FANCD2: variants seen among roughly 807,000 people sequenced by gnomAD.
The protein encoded by FANCD2 is Fanconi anemia group D2 protein.
Under a neutral mutation model 192.3 loss-of-function variants are expected in FANCD2, and 131 were observed. That is an observed-to-expected ratio of 0.68 (90% CI 0.59 to 0.79). The LOEUF (loss-of-function observed/expected upper bound fraction) is 0.79. FANCD2 is among the 30% of genes least tolerant of loss of function. FANCD2 has a pLI of 0.00. For synonymous variants in FANCD2, 524 were observed against 612.5 expected (o/e 0.86, Z 2.13); for missense variants, 1,508 against 1,701.6 (o/e 0.89, Z 2.00).
At chr3:10,068,819 G>A (rs775016476) in intron 26 of FANCD2, among the ~76,000 whole-genome samples, 1 of 152,082 alleles carries the variant, frequency 6.6e-6, no homozygotes, top group Non-Finnish European at 1.5e-5. Context: ...TGGAACAGAA[G>A]AGAGCCCAGA....
At chr3:10,045,329 C>T (rs760840306) in intron 14 of FANCD2, among the ~76,000 whole-genome samples, 5 of 151,814 alleles carry the variant, frequency 3.3e-5, no homozygotes, top group East Asian at 1.9e-4. Context: ...CCACCACGCC[C>T]GGCTAATTTT....
intron 39 of FANCD2, 81 bp downstream of exon 39, chr3:10,093,404 C>A: frequency 1.6e-6 from 2 of 1,229,602 alleles, no homozygotes; most frequent in Non-Finnish European, 2.4e-6. Context: ...AGATAAATTG[C>A]TCAATTTCTT....
At chr3:10,099,194 A>G (rs1695158042) in intron 43 of FANCD2, 3 of 1,392,526 alleles carry the variant, frequency 2.2e-6, no homozygotes, top group Non-Finnish European at 2.8e-6. Context: ...ATACAAAAAT[A>G]GAAATGTGAA....
chr3:10,054,378 CAT>C (rs777872939), intron 18 of FANCD2, among the ~76,000 whole-genome samples: 23 of 94,698 alleles, frequency 2.4e-4, no homozygotes, highest in South Asian at 6.6e-4. Context: ...CGTGTATATA[CAT>C]ATATATATGT....
intron 14 of FANCD2, among the ~76,000 whole-genome samples, chr3:10,045,101 T>TTTTTTTTTTTTTTTTCC (rs397948524): frequency 6.7e-6 from 1 of 149,080 alleles, no homozygotes; most frequent in African/African-American, 2.6e-5. Flanking sequence ...TTTTTTTTTT[T>TTTTTTTTTTTTTTTTCC]CCTGGAAGCA....
chr3:10,087,730 C>A (rs1190734233), intron 34 of FANCD2, among the ~76,000 whole-genome samples: 1 of 151,888 alleles, frequency 6.6e-6, no homozygotes, highest in Non-Finnish European at 1.5e-5. Context: ...TCACTGCAAT[C>A]CTCTACCTCC....
At chr3:10,077,911 A>C (rs529581935) in intron 29 of FANCD2, among the ~76,000 whole-genome samples, 170 bp from the exon 30 acceptor site, 2 of 151,872 alleles carry the variant, frequency 1.3e-5, no homozygotes, top group Non-Finnish European at 2.9e-5. Context: ...GTGTGTGCCT[A>C]TAGTCCCCGC....
At chr3:10,078,480 G>A (rs938556354) in intron 30 of FANCD2, among the ~76,000 whole-genome samples, 1 of 151,792 alleles carries the variant, frequency 6.6e-6, no homozygotes, top group African/African-American at 2.4e-5. Flanking sequence ...TCAGCCTCCC[G>A]AGTAGCTGGG....
At chr3:10,037,099 G>C (rs1384520596) in intron 7 of FANCD2, among the ~76,000 whole-genome samples, 1 of 151,626 alleles carries the variant, frequency 6.6e-6, no homozygotes, top group African/African-American at 2.4e-5. Flanking sequence ...ACCTGCCTTA[G>C]CCTCTCAAAC....
At chr3:10,030,900 C>CAAAAAAA (rs111338639) in intron 2 of FANCD2, among the ~76,000 whole-genome samples, 1 of 145,130 alleles carries the variant, frequency 6.9e-6, no homozygotes. Context: ...ACTCTTATCT[C>CAAAAAAA]AAAAAAAAAA....
intron 7 of FANCD2, among the ~76,000 whole-genome samples, chr3:10,037,105 C>T (rs1423889419): frequency 6.6e-6 from 1 of 151,886 alleles, no homozygotes; most frequent in East Asian, 1.9e-4. Flanking sequence ...CTTAGCCTCT[C>T]AAACTACTGG....
chr3:10,070,485 C>T (rs1267342346), intron 26 of FANCD2, among the ~76,000 whole-genome samples: 6 of 109,432 alleles, frequency 5.5e-5, no homozygotes, highest in African/African-American at 2.4e-4. Flanking sequence ...GGGCCAGCCT[C>T]CCGGTCCGGG....
At chr3:10,067,369 T>C in intron 26 of FANCD2, 52 bp downstream of exon 26, 1 of 1,079,310 alleles carries the variant, frequency 9.3e-7, no homozygotes, top group Non-Finnish European at 1.4e-6. Context: ...AGTGAGGCAA[T>C]AAAGCACTTA....
Position 10,060,401 on chromosome 3 carries a change from C to A in FANCD2, c.1764C>A (p.Asp588Glu), listed in dbSNP as rs764832852. The change falls in exon 19 of 44, where the codon GAC (aspartate) becomes GAA (glutamate). Residue 588 changes from aspartate (D) to glutamate (E), a missense_variant and splice_region_variant. Around this residue, in one of 5 missense-constraint regions of FANCD2, gnomAD observed 110 missense variants for 114.4 expected, o/e 0.96. Coordinates refer to ENST00000675286, the MANE Select transcript of FANCD2 (RefSeq NM_001018115.3). The part of the protein sequence containing the change: ...AVTMAGIMAA[D>E]RSESPSLTQE... ...CCATGGCTGGCATCATGGCGGCAGA[C>A]AGGTACACGTGGAGATTCTGACTTC... The A allele has an allele frequency of 6.2e-7, 1 of 1,611,452 alleles. No individual in the cohort carries two copies. The highest frequency in any genetic ancestry group is 8.5e-7 in the Non-Finnish European group (1 of 1,177,588).
At chr3:10,035,532 C>T (rs566930292) in intron 6 of FANCD2, among the ~76,000 whole-genome samples, 1 of 152,302 alleles carries the variant, frequency 6.6e-6, no homozygotes, top group Admixed American at 6.5e-5. Context: ...ATATTCATAT[C>T]TACATTATCT....
At chr3:10,031,558 C>G (rs1174101007) in intron 2 of FANCD2, among the ~76,000 whole-genome samples, 1 of 151,202 alleles carries the variant, frequency 6.6e-6, no homozygotes. Flanking sequence ...AACAAAATGG[C>G]ATCATTAAGG....
At chr3:10,054,318 G>A (rs1205660365) in intron 18 of FANCD2, among the ~76,000 whole-genome samples, 1 of 145,262 alleles carries the variant, frequency 6.9e-6, no homozygotes, top group African/African-American at 2.6e-5. Context: ...ATACTGGACT[G>A]TGACTTTGAA....
chr3:10,050,826 C>T (rs1352621907), intron 17 of FANCD2, among the ~76,000 whole-genome samples: 1 of 152,214 alleles, frequency 6.6e-6, no homozygotes, highest in Non-Finnish European at 1.5e-5. Context: ...GTGACTCATG[C>T]TTGTAATACC....
intron 32 of FANCD2, among the ~76,000 whole-genome samples, chr3:10,081,760 G>C (rs933298508): frequency 1.3e-5 from 2 of 152,100 alleles, no homozygotes; most frequent in Non-Finnish European, 1.5e-5. Flanking sequence ...TTTAATTCCA[G>C]ATTGTTTGGT....
Sources: gnomAD v4.1 joint callset for allele counts (sites outside exome capture counted in the v4.1 genomes callset) on GRCh38, gnomAD v4.1.1 for gene constraint, gnomAD v4.1.1 regional missense constraint, MANE v1.5 for transcripts, NCBI Gene and HGNC (gene_info 2026-07-23, HGNC 2026-07-21) for gene names.